The following TUBGCP2 variants were observed in gnomAD, a reference collection of about 807,000 sequenced individuals.
TUBGCP2 encodes gamma-tubulin complex component 2.
In TUBGCP2, 55 loss-of-function variants were observed where a neutral mutation model predicts 92.2. That is an observed-to-expected ratio of 0.60 (90% CI 0.48 to 0.75). The LOEUF is 0.75. Ranked by LOEUF, TUBGCP2 falls within the 30% of genes least tolerant of loss-of-function variation. The pLI, the probability that TUBGCP2 is intolerant of heterozygous loss-of-function variation, is 0.00. For missense variants in TUBGCP2, 1,093 were observed against 1,188.9 expected (o/e 0.92, Z 1.19); for synonymous variants, 533 against 505.2 (o/e 1.06, Z -0.74).
At chr10:133,308,921 T>TGCGCCCGCCC (rs1847905458), upstream of TUBGCP2, 2 of 1,214,144 alleles carry the variant, frequency 1.6e-6, no homozygotes, top group Non-Finnish European at 2.1e-6. Context: ...GCCGACAGGC[T>TGCGCCCGCCC]GCGCCCGCCC....
chr10:133,302,495 CCCAGGGGCGGTGCTCATCATGCACCCTG>C (rs1847693154), intron 2 of TUBGCP2: 2 of 324,550 alleles, frequency 6.2e-6, no homozygotes, highest in African/African-American at 7.3e-5. Flanking sequence ...TGCACCCTGA[CCCAGGGGCGGTGCTCATCATGCACCCTG>C]ACCCAGGGAC....
At chr10:133,309,131 G>A (rs755644687), upstream of TUBGCP2, 7 of 1,362,166 alleles carry the variant, frequency 5.1e-6, no homozygotes, top group Middle Eastern at 2.3e-4. Context: ...GTAGTTGTAG[G>A]ATCCAGTGGG....
intron 1 of TUBGCP2, among the ~76,000 whole-genome samples, chr10:133,308,145 G>A (rs922988042): frequency 2.6e-5 from 4 of 152,172 alleles, no homozygotes; most frequent in Non-Finnish European, 5.9e-5. Context: ...CCCATTCTCT[G>A]CAGTAGATCT....
At chr10:133,312,207 G>C (rs558498886), upstream of TUBGCP2, 2 of 1,387,920 alleles carry the variant, frequency 1.4e-6, no homozygotes, top group East Asian at 3.1e-5. Context: ...TGCCGTCTGC[G>C]TTTCTAGCGT....
At chr10:133,310,357 T>G, upstream of TUBGCP2, 1 of 1,593,906 alleles carries the variant, frequency 6.3e-7, no homozygotes, top group Non-Finnish European at 8.5e-7. Flanking sequence ...CTAGCCGGAA[T>G]GCATAGACGG....
At chr10:133,304,498 A>T (rs1262511518) in intron 1 of TUBGCP2, among the ~76,000 whole-genome samples, 2 of 152,158 alleles carry the variant, frequency 1.3e-5, no homozygotes, top group African/African-American at 4.8e-5. Context: ...CCCTTCAACA[A>T]ATTCTCAAAG....
chr10:133,283,728 T>G (rs56045704), intron 14 of TUBGCP2, among the ~76,000 whole-genome samples, 154 bp downstream of exon 14: 3 of 143,014 alleles, frequency 2.1e-5, no homozygotes, highest in Non-Finnish European at 4.5e-5. Flanking sequence ...TCTCCCGCAC[T>G]CCCTGCCTCT....
Position 133,282,212 on chromosome 10 carries a change from A to C in TUBGCP2, c.2409+11T>G. On this transcript the variant is annotated intron_variant, in intron 16 of 17. Transcript: ENST00000252936. Reference sequence around the variant, plus strand: ...AGCGTCTCTCTCTGGCCAAACCTGGAGGCCACGCACCTTCCTGGCGAGCTC... The same window carrying C: ...AGCGTCTCTCTCTGGCCAAACCTGGCGGCCACGCACCTTCCTGGCGAGCTC... 6.2e-7 allele frequency: 1 copy of C among 1,611,700 alleles called. No homozygotes were observed. Among genetic ancestry groups the C allele is most frequent in the South Asian group, 1.1e-5 (1 of 90,728 alleles).
intron 1 of TUBGCP2, among the ~76,000 whole-genome samples, chr10:133,306,471 AG>A (rs1311262315): frequency 1.3e-5 from 2 of 152,218 alleles, no homozygotes; most frequent in Non-Finnish European, 2.9e-5. Flanking sequence ...CTACCTATGA[AG>A]AAAAATCATC....
At chr10:133,302,497 C>CTGCACCCTGCACCAG in intron 2 of TUBGCP2, 1 of 405,444 alleles carries the variant, frequency 2.5e-6, no homozygotes, top group African/African-American at 2.2e-5. Context: ...CACCCTGACC[C>CTGCACCCTGCACCAG]AGGGGCGGTG....
At chr10:133,283,800 G>C in intron 14 of TUBGCP2, 82 bp downstream of exon 14, 1 of 1,569,880 alleles carries the variant, frequency 6.4e-7, no homozygotes, top group South Asian at 1.2e-5. Flanking sequence ...CTCTCCCCTC[G>C]CCCTGCCTCT....
chr10:133,294,454 G>A (rs1460975601), intron 5 of TUBGCP2, among the ~76,000 whole-genome samples: 1 of 152,184 alleles, frequency 6.6e-6, no homozygotes, highest in African/African-American at 2.4e-5. Flanking sequence ...GGAAGGCTCC[G>A]TACAACAGGC....
rs71016439 is a variant in TUBGCP2 at position 133,301,700 on chromosome 10, C to CTTTTTTTTTTTTTT, written c.150+1078_150+1091dup. On this transcript the variant is annotated intron_variant, in intron 2 of 17. Transcript: ENST00000252936. Reference sequence around the variant, plus strand: ...CAACATGGTTAATACCAGTCCCTCCCTTTTTTTTTTTTTTTTTTTTTTTTT... The same window carrying CTTTTTTTTTTTTTT: ...CAACATGGTTAATACCAGTCCCTCCCTTTTTTTTTTTTTTTTTTTTTTTTTTTTTTTTTTTTTTT... 11 of 87,254 alleles carry CTTTTTTTTTTTTTT rather than the reference C, an allele frequency of 1.3e-4. 1 individual carries two copies. Among genetic ancestry groups the CTTTTTTTTTTTTTT allele is most frequent in the African/African-American group, 5.0e-4 (10 of 19,866 alleles). The allele number at this position is 87,254 out of a possible 1,614,324, so 5.4% of individuals were successfully genotyped here. A position where few individuals can be genotyped will look rare whatever the true frequency, so the allele number is the denominator to read the frequency against.
At position 133,302,890 on chromosome 10, in the gene TUBGCP2, G is replaced by A. The variant is rs1348302041; in HGVS notation, c.52C>T (p.Arg18Cys). ...TCAGCCCCATCTCCTCCGTGGACAC[G>A]CAGCAGGCTAAGCAGTTCATTGACG... ...HDVNELLSLLRVHGGDGAEVY... is the reference protein window; with the variant it reads ...HDVNELLSLLCVHGGDGAEVY... The change falls in exon 2 of 18, where the codon CGT becomes TGT. Residue 18 changes from arginine to cysteine, a missense_variant. Physicochemically the swap from Arg to Cys is radical, Grantham distance 180. Around this residue, in one of 3 missense-constraint regions of TUBGCP2, gnomAD observed 490 missense variants for 488.5 expected, o/e 1.00. Transcript: ENST00000252936. 7 of 1,613,928 alleles carry A rather than the reference G, an allele frequency of 4.3e-6. No individual in the cohort carries two copies. Among genetic ancestry groups the A allele is most frequent in the Admixed American group, 3.3e-5 (2 of 60,012 alleles).
In TUBGCP2 at chr10:133,298,001, C is replaced by G. The variant is rs753845692; in HGVS notation, c.567G>C (p.Gly189=). 7.4e-6 allele frequency: 12 copies of G among 1,613,868 alleles called. No individual in the cohort carries two copies. In the South Asian group the frequency reaches 1.2e-4, roughly 16 times the overall value. The part of the protein sequence containing the change: ...AWVYERPALI[G]DFLIGAGIST... ...TGATGCCAGCACCAATCAGGAAATC[C>G]CCGATCAGGGCAGGTCTCTCATACA... is the stretch of plus-strand genomic sequence containing the variant. Residue 189 remains glycine (G), a synonymous_variant, in exon 5 of 18, where the codon GGG becomes GGC. Coordinates refer to ENST00000252936, the MANE Select transcript of TUBGCP2 (RefSeq NM_006659.4).
chr10:133,282,194 C>A, intron 16 of TUBGCP2, 29 bp downstream of exon 16: 1 of 1,611,096 alleles, frequency 6.2e-7, no homozygotes, highest in South Asian at 1.1e-5. Flanking sequence ...GGAAGCGTCT[C>A]TCTCTGGCCA....
chr10:133,280,015 T>G, intron 17 of TUBGCP2, 114 bp from the exon 18 acceptor site: 1 of 1,466,380 alleles, frequency 6.8e-7, no homozygotes, highest in Non-Finnish European at 9.1e-7. Context: ...TGCGGGTGCG[T>G]GCTGGGCAGC....
rs368932907 is a variant in TUBGCP2 at position 133,289,979 on chromosome 10, C to A, written c.1215-10G>T. ...CTCGACCATAAACTCACTAAAACCA[C>A]AGGGAGCGCTTCGGTCACAGGCAAA... On this transcript the variant is annotated splice_polypyrimidine_tract_variant and intron_variant, in intron 8 of 17. Transcript: ENST00000252936. The A allele has an allele frequency of 2.7e-5, 44 of 1,611,070 alleles. No individual in the cohort carries two copies. The highest frequency in any genetic ancestry group is 3.7e-5 in the Non-Finnish European group (43 of 1,177,528).
chr10:133,282,763 G>A (rs1847015790), intron 15 of TUBGCP2, among the ~76,000 whole-genome samples: 1 of 152,174 alleles, frequency 6.6e-6, no homozygotes, highest in East Asian at 1.9e-4. Flanking sequence ...GGTCCTTAAC[G>A]GAATCAAATA....
Sources: allele counts gnomAD v4.1 joint callset (sites outside exome capture counted in the v4.1 genomes callset), GRCh38; gene constraint gnomAD v4.1.1; regional missense constraint gnomAD v4.1.1; transcripts MANE v1.5; gene names NCBI Gene and HGNC (gene_info 2026-07-23, HGNC 2026-07-21).